Variants in SYNE1 observed in about 807,000 individuals in gnomAD.
The protein encoded by SYNE1 is spectrin repeat containing nuclear envelope protein 1.
A neutral mutation model predicts 1,111.0 loss-of-function variants in SYNE1; 616 were observed. That is an observed-to-expected ratio of 0.55 (90% CI 0.52 to 0.59). SYNE1 has a LOEUF of 0.59. Ranked by LOEUF, SYNE1 falls within the 20% of genes least tolerant of loss-of-function variation. The pLI is 0.00. For synonymous variants in SYNE1, 3,855 were observed against 3,825.8 expected (o/e 1.01, Z -0.28); for missense variants, 10,006 against 10,417.0 (o/e 0.96, Z 1.72).
intron 64 of SYNE1, among the ~76,000 whole-genome samples, chr6:152,361,827 T>C (rs1287195444): frequency 1.5e-5 from 2 of 129,738 alleles, no homozygotes; most frequent in Non-Finnish European, 3.2e-5. Flanking sequence ...GCACAAAAGA[T>C]AACACAAAGG....
chr6:152,310,450 C>T lies in SYNE1; in HGVS notation c.16965G>A (p.Leu5655=). ...TGAGACGTCCAACTTCTGGAGAAGT[C>T]AGTGTTGCCTGGGCTTGCTCCAAGG... ...QAALEQAQAT[L]TSPEVGRLSL... Residue 5655 remains leucine, a synonymous_variant, in exon 89 of 146, where the codon CTG becomes CTA. Transcript: ENST00000367255. 2 of 1,614,144 alleles carry T rather than the reference C, an allele frequency of 1.2e-6. No homozygotes were observed. The highest frequency in any genetic ancestry group is 1.7e-6 in the Non-Finnish European group (2 of 1,180,028).
At chr6:152,465,850 G>T (rs1382507497) in intron 17 of SYNE1, 132 bp downstream of exon 17, 2 of 691,596 alleles carry the variant, frequency 2.9e-6, no homozygotes, top group African/African-American at 1.8e-5. Flanking sequence ...AATCCAGTAT[G>T]TGTTCTCCTG....
chr6:152,492,731 T>C (rs1304801191), intron 11 of SYNE1, among the ~76,000 whole-genome samples: 7 of 152,114 alleles, frequency 4.6e-5, no homozygotes, highest in Non-Finnish European at 8.8e-5. Flanking sequence ...CCATCACAGA[T>C]GCTTTAGGTA....
At position 152,511,075 on chromosome 6, in the gene SYNE1, T is replaced by C. The variant is rs886044019; in HGVS notation, c.338A>G (p.Asp113Gly). 3 of 1,614,020 alleles carry C rather than the reference T, an allele frequency of 1.9e-6. No homozygotes were observed. Among genetic ancestry groups the C allele is most frequent in the Non-Finnish European group, 2.5e-6 (3 of 1,179,916 alleles). ...TATTGAGGGTCGGCCATCAGCTATATCGGTGGAGTTAATGTTGACTAATTT... is the reference window on the plus strand; with the variant it reads ...TATTGAGGGTCGGCCATCAGCTATACCGGTGGAGTTAATGTTGACTAATTT... ...KIKLVNINST[D>G]IADGRPSIVL... The change falls in exon 7 of 146, where the codon GAT becomes GGT. Residue 113 changes from aspartate to glycine, a missense_variant. This residue lies in a region of SYNE1 where 1,971 missense variants were observed against 2,084.1 expected (regional missense o/e 0.95). Transcript: ENST00000367255.
chr6:152,534,433 T>C (rs529806334), intron 4 of SYNE1, among the ~76,000 whole-genome samples: 2 of 152,252 alleles, frequency 1.3e-5, no homozygotes, highest in East Asian at 3.9e-4. Flanking sequence ...TTAGAATGTT[T>C]AGGGTTGACA....
Position 152,329,795 on chromosome 6 carries a change from C to G in SYNE1, c.14890G>C (p.Glu4964Gln), listed in dbSNP as rs780258342. 6.2e-7 allele frequency: 1 copy of G among 1,614,172 alleles called. No individual in the cohort carries two copies. Among genetic ancestry groups the G allele is most frequent in the East Asian group, 2.2e-5 (1 of 44,882 alleles). Residue 4964 changes from glutamate to glutamine, a missense_variant, in exon 78 of 146, where the codon GAA becomes CAA. Transcript: ENST00000367255. ...TCTGAGAGCTCAGCGAGGCTGTGTT[C>G]TAAATCCGCAGAAATCAGCTCCTTG... ...KAKELISADL[E>Q]HSLAELSELD...
At chr6:152,145,763 G>C (rs1034962205) in intron 137 of SYNE1, 1 of 535,152 alleles carries the variant, frequency 1.9e-6, no homozygotes, top group African/African-American at 1.9e-5. Context: ...GGTGGCTCAC[G>C]CCTGTAATCC....
intron 59 of SYNE1, among the ~76,000 whole-genome samples, chr6:152,370,778 G>C (rs1003257135): frequency 3.9e-5 from 6 of 152,170 alleles, no homozygotes; most frequent in African/African-American, 1.4e-4. Context: ...AATCTAAGTG[G>C]CAAGAGCTAA....
intron 2 of SYNE1, among the ~76,000 whole-genome samples, chr6:152,632,401 A>C (rs1432550732): frequency 2.0e-5 from 3 of 152,204 alleles, no homozygotes; most frequent in Admixed American, 6.5e-5. Context: ...ATTTTGTGAA[A>C]TCATGATTTT....
intron 10 of SYNE1, among the ~76,000 whole-genome samples, chr6:152,502,103 CAT>C (rs1347066758): frequency 6.6e-6 from 1 of 151,924 alleles, no homozygotes. Context: ...TGACAATTAA[CAT>C]ATGTAATTTG....
chr6:152,618,515 G>T (rs2099667305), intron 3 of SYNE1, among the ~76,000 whole-genome samples: 2 of 152,180 alleles, frequency 1.3e-5, no homozygotes, highest in African/African-American at 4.8e-5. Flanking sequence ...CATGTGAGGA[G>T]AAAGGAAGCA....
intron 3 of SYNE1, among the ~76,000 whole-genome samples, chr6:152,563,054 A>T (rs926681530): frequency 2.4e-5 from 1 of 42,052 alleles, no homozygotes; most frequent in Non-Finnish European, 6.8e-5. Context: ...GAAAAAGAGT[A>T]CACACACACA....
intron 46 of SYNE1, 75 bp from the exon 47 acceptor site, chr6:152,401,416 G>T (rs748910634): frequency 1.8e-5 from 26 of 1,442,660 alleles, no homozygotes; most frequent in Non-Finnish European, 2.4e-5. Flanking sequence ...TTCTGTTCAC[G>T]TGCAGCTTAA....
intron 55 of SYNE1, among the ~76,000 whole-genome samples, chr6:152,382,187 C>T (rs1334765044): frequency 6.6e-6 from 1 of 152,082 alleles, no homozygotes; most frequent in Non-Finnish European, 1.5e-5. Context: ...AAATAATCAT[C>T]CGATGTTTAT....
intron 123 of SYNE1, 119 bp downstream of exon 123, chr6:152,213,493 G>T: frequency 9.1e-7 from 1 of 1,100,650 alleles, no homozygotes; most frequent in Non-Finnish European, 1.4e-6. Context: ...GCAAAATGAT[G>T]CATGCATTTA....
chr6:152,430,863 G>A (rs2098422400), intron 34 of SYNE1, among the ~76,000 whole-genome samples, 154 bp from the exon 35 acceptor site: 1 of 152,098 alleles, frequency 6.6e-6, no homozygotes, highest in Admixed American at 6.6e-5. Flanking sequence ...CATGTGTTTG[G>A]GGAGATGAGA....
chr6:152,227,001 A>G (rs182991776), intron 115 of SYNE1, among the ~76,000 whole-genome samples: 2 of 152,336 alleles, frequency 1.3e-5, no homozygotes, highest in African/African-American at 4.8e-5. Context: ...TAACACCTCA[A>G]TTGTATAAAA....
At position 152,177,698 on chromosome 6, in the gene SYNE1, G is replaced by A. The variant is rs370070122; in HGVS notation, c.23461-1138C>T. Among the ~76,000 whole-genome samples the A allele has an allele frequency of 9.9e-5, 15 of 152,210 alleles. No homozygotes were observed. The East Asian group carries it at 1.5e-3, about 16-fold the overall frequency. On this transcript the variant is annotated intron_variant, in intron 129 of 145. Coordinates refer to ENST00000367255, the MANE Select transcript of SYNE1 (RefSeq NM_182961.4). Reference sequence around the variant, plus strand: ...CACAATGGGATTCAAAGACCAATACGTTGAATGTATTTATTAACATTATAA... The same window carrying A: ...CACAATGGGATTCAAAGACCAATACATTGAATGTATTTATTAACATTATAA...
At position 152,353,612 on chromosome 6, in the gene SYNE1, G is replaced by C. The variant is rs1462897603; in HGVS notation, c.11059C>G (p.Gln3687Glu). 2 of 1,614,206 alleles carry C rather than the reference G, an allele frequency of 1.2e-6. No homozygotes were observed. The highest frequency in any genetic ancestry group is 1.7e-6 in the Non-Finnish European group (2 of 1,180,042). The change falls in exon 68 of 146, where the codon CAG becomes GAG. Residue 3687 changes from glutamine to glutamate, a missense_variant. Transcript: ENST00000367255. ...CQATQLTSRY[Q>E]ALLLQVLEQI... Reference sequence around the variant, plus strand: ...ACCAGCACTTGGAGAAGCAGGGCCTGGTATCTGGAAGTCAGCTGGGTGGCC... The same window carrying C: ...ACCAGCACTTGGAGAAGCAGGGCCTCGTATCTGGAAGTCAGCTGGGTGGCC...
Sources: gnomAD v4.1 joint callset for allele counts (sites outside exome capture counted in the v4.1 genomes callset) on GRCh38, gnomAD v4.1.1 for gene constraint, gnomAD v4.1.1 regional missense constraint, MANE v1.5 for transcripts, NCBI Gene and HGNC (gene_info 2026-07-23, HGNC 2026-07-21) for gene names.